The following KIAA1328 variants were observed in gnomAD, a reference collection of about 807,000 sequenced individuals.
KIAA1328 encodes protein hinderin.
A neutral mutation model predicts 68.1 loss-of-function variants in KIAA1328; 52 were observed. The observed-to-expected ratio is 0.76, with a 90% confidence interval of 0.61 to 0.96. KIAA1328 has a LOEUF of 0.96. KIAA1328 is among the 40% of genes least tolerant of loss of function. KIAA1328 has a pLI of 0.00. For synonymous variants in KIAA1328, 232 were observed against 239.4 expected (o/e 0.97, Z 0.28); for missense variants, 641 against 677.6 (o/e 0.95, Z 0.60).
At chr18:37,055,979 A>G (rs1013587577) in intron 6 of KIAA1328, among the ~76,000 whole-genome samples, 1 of 152,234 alleles carries the variant, frequency 6.6e-6, no homozygotes, top group African/African-American at 2.4e-5. Flanking sequence ...CTAAACATCT[A>G]AAGTTAATAA....
chr18:37,208,850 G>A (rs939287573), intron 9 of KIAA1328, among the ~76,000 whole-genome samples: 1 of 152,148 alleles, frequency 6.6e-6, no homozygotes, highest in Non-Finnish European at 1.5e-5. Context: ...GAGGAAGGCT[G>A]GGAATAAAGG....
At chr18:37,091,657 G>T (rs1264831066) in intron 7 of KIAA1328, among the ~76,000 whole-genome samples, 1 of 152,068 alleles carries the variant, frequency 6.6e-6, no homozygotes, top group African/African-American at 2.4e-5. Flanking sequence ...ACTATATTCT[G>T]CCTTAGGTCC....
intron 6 of KIAA1328, among the ~76,000 whole-genome samples, chr18:37,040,411 C>A (rs1389715965): frequency 6.6e-6 from 1 of 152,260 alleles, no homozygotes; most frequent in East Asian, 1.9e-4. Flanking sequence ...GGTCAGCAGT[C>A]TGACTTTATG....
At chr18:37,145,858 TC>T (rs2154208887) in intron 7 of KIAA1328, among the ~76,000 whole-genome samples, 1 of 152,300 alleles carries the variant, frequency 6.6e-6, no homozygotes, top group East Asian at 1.9e-4. Flanking sequence ...AAGTGTTAAC[TC>T]TTGTGAACAA....
intron 7 of KIAA1328, among the ~76,000 whole-genome samples, chr18:37,133,131 G>A (rs894447849): frequency 5.3e-5 from 8 of 151,936 alleles, no homozygotes; most frequent in Admixed American, 2.6e-4. Flanking sequence ...TCAGGAGTTC[G>A]AAACCAGCCT....
chr18:37,114,693 A>G (rs1458329998), intron 7 of KIAA1328, among the ~76,000 whole-genome samples: 1 of 152,194 alleles, frequency 6.6e-6, no homozygotes, highest in Non-Finnish European at 1.5e-5. Context: ...GACACAAACA[A>G]CCCTTTAGAA....
intron 7 of KIAA1328, among the ~76,000 whole-genome samples, chr18:37,075,860 T>G (rs994404060): frequency 6.6e-6 from 1 of 152,186 alleles, no homozygotes; most frequent in Admixed American, 6.5e-5. Context: ...ACAAAGAGAC[T>G]TAGACTCCCA....
intron 5 of KIAA1328, among the ~76,000 whole-genome samples, chr18:36,956,340 T>A (rs943196759): frequency 6.6e-6 from 1 of 152,242 alleles, no homozygotes; most frequent in African/African-American, 2.4e-5. Context: ...GTGTCATGGT[T>A]TGGTGTACAC....
chr18:37,096,414 T>G (rs1231503217), intron 7 of KIAA1328, among the ~76,000 whole-genome samples: 1 of 152,194 alleles, frequency 6.6e-6, no homozygotes, highest in Non-Finnish European at 1.5e-5. Context: ...AACTCATCAT[T>G]TTTTATGGCT....
At chr18:37,215,422 T>G (rs2060409528) in intron 9 of KIAA1328, among the ~76,000 whole-genome samples, 1 of 152,186 alleles carries the variant, frequency 6.6e-6, no homozygotes, top group Non-Finnish European at 1.5e-5. Context: ...GGTTTTTGTC[T>G]TTAGTTCTGT....
intron 9 of KIAA1328, among the ~76,000 whole-genome samples, chr18:37,195,522 C>A (rs1231088543): frequency 6.6e-6 from 1 of 152,144 alleles, no homozygotes; most frequent in Non-Finnish European, 1.5e-5. Context: ...CCATGAATAT[C>A]CAGTTTTCCC....
chr18:36,946,316 G>T (rs1005380647), intron 5 of KIAA1328: 1 of 152,174 alleles, frequency 6.6e-6, no homozygotes, highest in Non-Finnish European at 1.5e-5. Context: ...GGAAGCAAAG[G>T]AGTCCAATAA....
At chr18:36,883,013 G>T (rs1412015605) in intron 4 of KIAA1328, among the ~76,000 whole-genome samples, 2 of 152,108 alleles carry the variant, frequency 1.3e-5, no homozygotes, top group African/African-American at 2.4e-5. Flanking sequence ...TAAAATTATT[G>T]TGATTACTTT....
chr18:36,993,125 CA>C (rs1337206145), intron 6 of KIAA1328, among the ~76,000 whole-genome samples: 1 of 151,332 alleles, frequency 6.6e-6, no homozygotes, highest in African/African-American at 2.4e-5. Flanking sequence ...AACAAACAAA[CA>C]AAAAAAAGTA....
At chr18:37,019,802 T>C (rs376968541) in intron 6 of KIAA1328, among the ~76,000 whole-genome samples, 3 of 151,438 alleles carry the variant, frequency 2.0e-5, no homozygotes, top group Admixed American at 1.3e-4. Context: ...GGGCATGGAG[T>C]GTAGAGGGTT....
intron 6 of KIAA1328, among the ~76,000 whole-genome samples, chr18:37,035,099 T>C (rs568845356): frequency 6.6e-6 from 1 of 152,316 alleles, no homozygotes; most frequent in African/African-American, 2.4e-5. Context: ...TATGTAGATA[T>C]AGACCAGTCA....
At chr18:36,915,085 CTTTT>C (rs1331605116) in intron 5 of KIAA1328, among the ~76,000 whole-genome samples, 2 of 152,110 alleles carry the variant, frequency 1.3e-5, no homozygotes, top group Non-Finnish European at 2.9e-5. Context: ...TGCTAAAACA[CTTTT>C]TTAAAAGATG....
intron 4 of KIAA1328, among the ~76,000 whole-genome samples, chr18:36,874,566 G>A (rs140230576): frequency 0.14 from 20,715 of 151,896 alleles, 1,754 homozygotes; most frequent in Admixed American, 0.18. Flanking sequence ...AGTTCCTTGT[G>A]GATTCTGGAT....
At chr18:36,916,725 ACAG>A (rs1006656861) in intron 5 of KIAA1328, among the ~76,000 whole-genome samples, 3 of 152,160 alleles carry the variant, frequency 2.0e-5, no homozygotes, top group African/African-American at 7.2e-5. Context: ...TTCTTTCCTG[ACAG>A]CAGTTAATGA....
Sources: allele counts gnomAD v4.1 joint callset (sites outside exome capture counted in the v4.1 genomes callset), GRCh38; gene constraint gnomAD v4.1.1; transcripts MANE v1.5; gene names NCBI Gene and HGNC (gene_info 2026-07-23, HGNC 2026-07-21).